The following CDH4 variants were observed in gnomAD, a reference collection of about 807,000 sequenced individuals.
The protein encoded by CDH4 is cadherin-4.
A neutral mutation model predicts 86.0 loss-of-function variants in CDH4; 33 were observed. That is an observed-to-expected ratio of 0.38 (90% confidence interval 0.29 to 0.51). The LOEUF (loss-of-function observed/expected upper bound fraction) is 0.51, where lower values mean the gene tolerates loss of function less well. Among genes scored for constraint, CDH4 ranks in the 20% least tolerant of loss-of-function variants. CDH4 has a pLI of 0.86. For synonymous variants in CDH4, 555 were observed against 549.4 expected, an observed-to-expected ratio of 1.01 and a Z score of -0.14; for missense variants, 1,114 against 1,307.4, an observed-to-expected ratio of 0.85 and a Z score of 2.28.
intron 2 of CDH4, among the ~76,000 whole-genome samples, chr20:61,600,852 CAGTT>C (rs1304987588): frequency 1.3e-5 from 2 of 152,124 alleles, no homozygotes; most frequent in Non-Finnish European, 2.9e-5. Context: ...TTTCGGTCCT[CAGTT>C]GGTTGAATCT....
Position 61,472,367 on chromosome 20 carries a change from T to G in CDH4, c.169+217430T>G, listed in dbSNP as rs6061510. Among the ~76,000 whole-genome samples, 286 of 152,320 alleles carry G rather than the reference T, an allele frequency of 1.9e-3. 1 individual carries two copies. The highest frequency in any genetic ancestry group is 6.5e-3 in the African/African-American group (272 of 41,584). The stretch of plus-strand genomic sequence containing the variant: ...ATTGACATGGAATATCTTTTTCCAT[T>G]CTGAATTATTGACAAGTAAAGACTT... On this transcript the variant is annotated intron_variant, in intron 2 of 15. Transcript: ENST00000614565.
chr20:61,369,619 A>G (rs2084829252), intron 2 of CDH4, among the ~76,000 whole-genome samples: 1 of 152,092 alleles, frequency 6.6e-6, no homozygotes, highest in African/African-American at 2.4e-5. Context: ...TGTATTAGAG[A>G]TGAACCCAGT....
At chr20:61,783,403 G>A (rs1009495946) in intron 4 of CDH4, among the ~76,000 whole-genome samples, 3 of 152,182 alleles carry the variant, frequency 2.0e-5, no homozygotes, top group African/African-American at 7.2e-5. Context: ...TGACATCAAG[G>A]TCTCCCTCCC....
chr20:61,791,633 G>A (rs888403967), intron 4 of CDH4, among the ~76,000 whole-genome samples: 4 of 152,210 alleles, frequency 2.6e-5, no homozygotes, highest in African/African-American at 9.6e-5. Flanking sequence ...GTTAGAACAC[G>A]GAAGGAACCA....
intron 2 of CDH4, among the ~76,000 whole-genome samples, chr20:61,715,840 G>A (rs761583476): frequency 7.9e-5 from 12 of 152,174 alleles, no homozygotes; most frequent in Non-Finnish European, 2.9e-5. Flanking sequence ...ACTGGGCCAG[G>A]CCTGAGGGCC....
At chr20:61,385,436 C>T (rs1568824102) in intron 2 of CDH4, among the ~76,000 whole-genome samples, 1 of 148,138 alleles carries the variant, frequency 6.8e-6, no homozygotes, top group Non-Finnish European at 1.5e-5. Context: ...TTCATTGTGC[C>T]ACTGACGAAA....
At chr20:61,702,523 A>G (rs1262716826) in intron 2 of CDH4, among the ~76,000 whole-genome samples, 1 of 152,230 alleles carries the variant, frequency 6.6e-6, no homozygotes, top group African/African-American at 2.4e-5. Flanking sequence ...CGGTCCTTGC[A>G]GGCATTCTGG....
chr20:61,610,573 C>T (rs1016794231), intron 2 of CDH4, among the ~76,000 whole-genome samples: 4 of 152,102 alleles, frequency 2.6e-5, no homozygotes, highest in African/African-American at 7.2e-5. Flanking sequence ...GAGGAGCCTC[C>T]GTGCTGTTCT....
chr20:61,302,361 G>A (rs182749897), intron 2 of CDH4, among the ~76,000 whole-genome samples: 43 of 152,362 alleles, frequency 2.8e-4, no homozygotes, highest in Admixed American at 7.2e-4. Flanking sequence ...TCAAGACTTT[G>A]CAAGCAGGTC....
Position 61,935,004 on chromosome 20 carries a change from G to A in CDH4, c.2544+784G>A, listed in dbSNP as rs373981903. Among the ~76,000 whole-genome samples, 90 of 152,290 alleles carry A rather than the reference G, an allele frequency of 5.9e-4. 1 individual carries two copies. The highest frequency in any genetic ancestry group is 4.3e-4 in the African/African-American group (18 of 41,554). On this transcript the variant is annotated intron_variant, in intron 15 of 15. Transcript: ENST00000614565. ...GTTCCCGTCTTCCATCTTCCTTTGC[G>A]GTGAAGAGAACAGAGGAGCAAGTCA...
At chr20:61,375,676 G>A (rs1179091337) in intron 2 of CDH4, among the ~76,000 whole-genome samples, 1 of 151,506 alleles carries the variant, frequency 6.6e-6, no homozygotes, top group Non-Finnish European at 1.5e-5. Flanking sequence ...GTGGTTTGTT[G>A]ATGGTAGTGT....
intron 2 of CDH4, among the ~76,000 whole-genome samples, chr20:61,385,290 A>G (rs529766989): frequency 1.3e-5 from 2 of 152,212 alleles, no homozygotes; most frequent in East Asian, 3.9e-4. Flanking sequence ...TCTGTCTCCT[A>G]CAAGACCATC....
chr20:61,685,918 AT>A (rs1273328722), intron 2 of CDH4, among the ~76,000 whole-genome samples: 3 of 152,238 alleles, frequency 2.0e-5, no homozygotes, highest in Admixed American at 1.3e-4. Flanking sequence ...AGCATTCCAG[AT>A]GGCGGAGTTC....
chr20:61,922,175 T>C (rs2054990166), intron 9 of CDH4, among the ~76,000 whole-genome samples: 1 of 152,384 alleles, frequency 6.6e-6, no homozygotes, highest in East Asian at 1.9e-4. Flanking sequence ...AATACTCTTA[T>C]GCATATGTTA....
chr20:61,936,711 C>CCTAA (rs1270603716), intron 15 of CDH4, 26 bp from the exon 16 acceptor site: 2 of 1,507,704 alleles, frequency 1.3e-6, no homozygotes, highest in Non-Finnish European at 8.9e-7. Flanking sequence ...CGTCCTGCAC[C>CCTAA]CTAACTCTGT....
chr20:61,810,554 G>A lies in CDH4; in HGVS notation c.577-34114G>A, dbSNP rs1261723136. Among the ~76,000 whole-genome samples the A allele has an allele frequency of 5.3e-5, 8 of 152,288 alleles. No homozygotes were observed. The highest frequency in any genetic ancestry group is 2.1e-4 in the South Asian group (1 of 4,824). The stretch of plus-strand genomic sequence containing the variant: ...GGAGCCACAGGCACACAGGAAGCCC[G>A]AGAGAGCCCCAGCCCGTGTGCCCGC... On this transcript the variant is annotated intron_variant, in intron 4 of 15. Transcript: ENST00000614565. The surrounding 1 kb of genome is among the most constrained non-coding windows in gnomAD (Gnocchi z 4.3).
chr20:61,677,323 C>T (rs995146774), intron 2 of CDH4, among the ~76,000 whole-genome samples: 6 of 152,166 alleles, frequency 3.9e-5, no homozygotes, highest in Admixed American at 6.5e-5. Context: ...GCACGAGCAG[C>T]GCCATTTGCA....
At chr20:61,459,849 AC>A (rs1189513024) in intron 2 of CDH4, among the ~76,000 whole-genome samples, 1 of 151,664 alleles carries the variant, frequency 6.6e-6, no homozygotes, top group Non-Finnish European at 1.5e-5. Context: ...AGCTCCTTGA[AC>A]CCACACACCA....
chr20:61,605,611 GTCTC>G (rs1016367413), intron 2 of CDH4, among the ~76,000 whole-genome samples: 1 of 147,826 alleles, frequency 6.8e-6, no homozygotes, highest in Non-Finnish European at 1.5e-5. Context: ...CTCTGTTTCT[GTCTC>G]TCTCTCTGTC....
Sources: allele counts gnomAD v4.1 joint callset (sites outside exome capture counted in the v4.1 genomes callset), GRCh38; gene constraint gnomAD v4.1.1; non-coding constraint Gnocchi (gnomAD v3.1); transcripts MANE v1.5; gene names NCBI Gene and HGNC (gene_info 2026-07-23, HGNC 2026-07-21).